MMP26: variants seen among roughly 807,000 people sequenced by gnomAD.
MMP26 encodes matrix metalloproteinase-26.
MMP26 carries 33 observed loss-of-function variants against 31.0 expected under a neutral mutation model. The observed-to-expected ratio is 1.06, with a 90% CI of 0.81 to 1.42. MMP26 has a LOEUF of 1.42. Among genes scored for constraint, MMP26 ranks in the 40% most tolerant of loss-of-function variants. MMP26 has a pLI of 0.00. For synonymous variants in MMP26, 122 were observed against 114.9 expected (o/e 1.06, Z -0.40); for missense variants, 347 against 316.1 (o/e 1.10, Z -0.74).
At chr11:4,915,231 CTG>C (rs1432918551) in intron 2 of MMP26, 2 of 1,613,960 alleles carry the variant, frequency 1.2e-6, no homozygotes, top group South Asian at 2.2e-5. Context: ...CTGCCAATGA[CTG>C]TGTTGGTGAG....
chr11:4,866,729 A>C (rs1412102980), intron 2 of MMP26, among the ~76,000 whole-genome samples: 2 of 152,168 alleles, frequency 1.3e-5, no homozygotes, highest in Non-Finnish European at 2.9e-5. Flanking sequence ...CAGGTACAAG[A>C]ACAGAAATAT....
intron 1 of MMP26, among the ~76,000 whole-genome samples, chr11:4,761,638 A>T (rs1343760214): frequency 6.6e-6 from 1 of 152,238 alleles, no homozygotes; most frequent in South Asian, 2.1e-4. Context: ...TCAATTAAAA[A>T]TGAAATTGAA....
At chr11:4,909,709 C>T (rs1850960581) in intron 2 of MMP26, among the ~76,000 whole-genome samples, 1 of 152,136 alleles carries the variant, frequency 6.6e-6, no homozygotes, top group Non-Finnish European at 1.5e-5. Flanking sequence ...AAAACTTCCC[C>T]TGGGTTCTCT....
chr11:4,721,671 C>A (rs967207278), intron 1 of MMP26, among the ~76,000 whole-genome samples: 2 of 152,088 alleles, frequency 1.3e-5, no homozygotes, highest in Non-Finnish European at 2.9e-5. Context: ...AACTTGTGCT[C>A]ATTATTTTCA....
chr11:4,741,447 T>C (rs1848310253), intron 1 of MMP26, among the ~76,000 whole-genome samples: 1 of 152,188 alleles, frequency 6.6e-6, no homozygotes, highest in Non-Finnish European at 1.5e-5. Flanking sequence ...ATGGTACATA[T>C]ACCATGCATA....
chr11:4,865,458 T>C (rs888451092), intron 2 of MMP26, among the ~76,000 whole-genome samples: 1 of 152,092 alleles, frequency 6.6e-6, no homozygotes, highest in African/African-American at 2.4e-5. Context: ...CCAAAAAAAC[T>C]ATTTAAAAAA....
intron 2 of MMP26, among the ~76,000 whole-genome samples, chr11:4,826,267 C>A (rs2133476441): frequency 6.6e-6 from 1 of 152,238 alleles, no homozygotes. Context: ...ACTGTTCTTT[C>A]TAGGAGTATA....
rs1564819722 is a variant in MMP26 at position 4,986,932 on chromosome 11, C to CTCTCT, written c.-144-1136_-144-1135insTCTCT. 3.2e-3 allele frequency among the ~76,000 whole-genome samples: 195 copies of CTCTCT among 60,390 alleles called. 5 individuals carry two copies. The highest frequency in any genetic ancestry group is 7.4e-3 in the East Asian group (16 of 2,160). 39.6% of individuals were successfully genotyped at this position (60,390 alleles called of 152,430 possible). The stretch of plus-strand genomic sequence containing the variant: ...CTCTCTCTCTCTCTCTCTCTCTCTC[C>CTCTCT]CTCTCTCTCTCTCTCTCTCTCTCTC... On this transcript the variant is annotated intron_variant, in intron 2 of 7. Transcript: ENST00000380390.
At chr11:4,760,904 G>C (rs1228733771) in intron 1 of MMP26, among the ~76,000 whole-genome samples, 2 of 152,178 alleles carry the variant, frequency 1.3e-5, no homozygotes, top group Non-Finnish European at 2.9e-5. Context: ...TTGGGATTTG[G>C]TTATTATTTA....
chr11:4,941,939 G>T (rs1202033000), intron 2 of MMP26, among the ~76,000 whole-genome samples: 1 of 151,068 alleles, frequency 6.6e-6, no homozygotes, highest in Non-Finnish European at 1.5e-5. Context: ...CAAAAAATTA[G>T]CCAGGCGTGG....
At chr11:4,844,308 C>T (rs1238044796) in intron 2 of MMP26, among the ~76,000 whole-genome samples, 5 of 152,050 alleles carry the variant, frequency 3.3e-5, no homozygotes, top group Non-Finnish European at 2.9e-5. Context: ...GCCTGGGATA[C>T]GATGGATTCA....
chr11:4,717,525 TG>T (rs1454423987), intron 1 of MMP26, among the ~76,000 whole-genome samples: 4 of 151,504 alleles, frequency 2.6e-5, no homozygotes, highest in African/African-American at 4.9e-5. Flanking sequence ...ATTTCCATGT[TG>T]TTTTTTTTTT....
At chr11:4,916,797 G>A (rs1370110929) in intron 2 of MMP26, among the ~76,000 whole-genome samples, 1 of 152,182 alleles carries the variant, frequency 6.6e-6, no homozygotes, top group East Asian at 1.9e-4. Flanking sequence ...GAATTCCCCA[G>A]AAGTCCAGGA....
At position 4,838,569 on chromosome 11, in the gene MMP26, C is replaced by T. The variant is rs192211993; in HGVS notation, c.-145+71228C>T. Among the ~76,000 whole-genome samples, 777 of 151,850 alleles carry T rather than the reference C, an allele frequency of 5.1e-3. 29 individuals carry two copies. The highest frequency in any genetic ancestry group is 0.048 in the Admixed American group (731 of 15,238). Reference sequence around the variant, plus strand: ...ACTGAAGACAACTCTAATACTCACTCGTAGAAAACAGTTGAATAAATTACC... The same window carrying T: ...ACTGAAGACAACTCTAATACTCACTTGTAGAAAACAGTTGAATAAATTACC... On this transcript the variant is annotated intron_variant, in intron 2 of 7. Coordinates refer to ENST00000380390, the MANE Select transcript of MMP26 (RefSeq NM_021801.5).
At chr11:4,917,000 A>G (rs183267017) in intron 2 of MMP26, among the ~76,000 whole-genome samples, 25 of 152,288 alleles carry the variant, frequency 1.6e-4, no homozygotes, top group African/African-American at 5.5e-4. Flanking sequence ...TCATATGCCA[A>G]TTCAGGCCTC....
intron 1 of MMP26, chr11:4,723,055 C>A (rs1260054529): frequency 6.8e-6 from 8 of 1,174,606 alleles, no homozygotes; most frequent in Non-Finnish European, 1.0e-5. Context: ...TGACTTTCAT[C>A]AGCTCCTGGT....
intron 2 of MMP26, among the ~76,000 whole-genome samples, chr11:4,788,487 G>A (rs765672398): frequency 1.3e-4 from 20 of 152,042 alleles, no homozygotes; most frequent in Non-Finnish European, 2.8e-4. Flanking sequence ...ACCAGTAATA[G>A]CATTGCTTCT....
At chr11:4,788,544 G>GA (rs949605092) in intron 2 of MMP26, among the ~76,000 whole-genome samples, 1 of 151,560 alleles carries the variant, frequency 6.6e-6, no homozygotes, top group Non-Finnish European at 1.5e-5. Flanking sequence ...TAACTGTACA[G>GA]AAAAAAAATA....
At chr11:4,722,498 G>C (rs1042328978) in intron 1 of MMP26, among the ~76,000 whole-genome samples, 1 of 124,060 alleles carries the variant, frequency 8.1e-6, no homozygotes, top group Non-Finnish European at 1.6e-5. Context: ...TTTTTGGCAG[G>C]GTTAGCTGAG....
Sources: allele counts gnomAD v4.1 joint callset (sites outside exome capture counted in the v4.1 genomes callset), GRCh38; gene constraint gnomAD v4.1.1; transcripts MANE v1.5; gene names NCBI Gene and HGNC (gene_info 2026-07-23, HGNC 2026-07-21).